The following ASCC3 variants were observed in gnomAD, a reference collection of about 807,000 sequenced individuals.
ASCC3 encodes the protein ASC-1 complex subunit P200.
ASCC3 carries 158 observed loss-of-function variants against 256.3 expected under a neutral mutation model. That is an observed-to-expected ratio of 0.62 (90% confidence interval 0.54 to 0.70). The LOEUF (loss-of-function observed/expected upper bound fraction) is 0.70, where lower values mean the gene tolerates loss of function less well. Ranked by LOEUF, ASCC3 falls within the 30% of genes least tolerant of loss-of-function variation. The probability of loss-of-function intolerance (pLI) is 0.00; values close to 1 mark genes in which losing one functional copy is unlikely to be tolerated. For synonymous variants in ASCC3, 948 were observed against 883.4 expected (o/e 1.07, Z -1.30); for missense variants, 2,259 against 2,626.0 (o/e 0.86, Z 3.05).
In ASCC3 at chr6:100,734,630, G is replaced by A. The variant is rs191127425; in HGVS notation, c.1738-8927C>T. ...AGCACAAAGCACATACTAAGCTTAT[G>A]TAAGTGTCTGCTATTATTATTGCTG... is the stretch of plus-strand genomic sequence containing the variant. On this transcript the variant is annotated intron_variant, in intron 10 of 41. Transcript: ENST00000369162. 2.1e-3 allele frequency among the ~76,000 whole-genome samples: 322 copies of A among 152,272 alleles called. 4 individuals carry two copies. Among genetic ancestry groups the A allele is most frequent in the African/African-American group, 7.0e-3 (289 of 41,538 alleles).
chr6:100,805,912 A>T (rs4839792), intron 4 of ASCC3, 32 bp from the exon 5 acceptor site: 834,259 of 1,599,358 alleles, frequency 0.52, 222,235 homozygotes, highest in South Asian at 0.73. Flanking sequence ...AACAAACATC[A>T]GTTATCTCAA....
chr6:100,526,434 C>T (rs146798542), intron 37 of ASCC3, among the ~76,000 whole-genome samples: 1 of 152,210 alleles, frequency 6.6e-6, no homozygotes, highest in African/African-American at 2.4e-5. Context: ...AACAAACCAC[C>T]ACCAAATTGT....
intron 37 of ASCC3, among the ~76,000 whole-genome samples, chr6:100,524,893 T>C (rs1180836412): frequency 2.0e-5 from 3 of 151,720 alleles, no homozygotes; most frequent in African/African-American, 4.8e-5. Flanking sequence ...ACAATAAACA[T>C]ACGAAAATAA....
intron 23 of ASCC3, 53 bp from the exon 24 acceptor site, chr6:100,642,802 C>T: frequency 2.1e-6 from 3 of 1,445,830 alleles, no homozygotes; most frequent in South Asian, 2.3e-5. Flanking sequence ...AGCATAAAGG[C>T]CTTATTAGTC....
chr6:100,584,794 C>A (rs1169347279), intron 36 of ASCC3, among the ~76,000 whole-genome samples: 2 of 152,008 alleles, frequency 1.3e-5, no homozygotes, highest in Non-Finnish European at 2.9e-5. Flanking sequence ...GACAAAATCT[C>A]TCAGCATTTG....
intron 30 of ASCC3, among the ~76,000 whole-genome samples, chr6:100,608,887 C>G (rs1164004309): frequency 6.9e-6 from 1 of 144,544 alleles, no homozygotes; most frequent in Non-Finnish European, 1.5e-5. Context: ...CCTCAGCCTC[C>G]CGAGTAGCTG....
chr6:100,821,351 A>G (rs1231931984), intron 4 of ASCC3, among the ~76,000 whole-genome samples: 2 of 152,172 alleles, frequency 1.3e-5, no homozygotes, highest in Non-Finnish European at 2.9e-5. Context: ...ATATGGCCCA[A>G]TAATTCCCTC....
At chr6:100,688,582 C>T (rs977209329) in intron 13 of ASCC3, among the ~76,000 whole-genome samples, 11 of 152,130 alleles carry the variant, frequency 7.2e-5, no homozygotes, top group African/African-American at 2.7e-4. Context: ...TGCTGTGATG[C>T]CTTATCCTTT....
At chr6:100,573,096 T>C (rs1283233310) in intron 36 of ASCC3, among the ~76,000 whole-genome samples, 1 of 152,094 alleles carries the variant, frequency 6.6e-6, no homozygotes. Context: ...TTATAGTGGG[T>C]TGGATTGAAT....
chr6:100,736,541 AG>A, intron 10 of ASCC3, among the ~76,000 whole-genome samples: 1 of 152,202 alleles, frequency 6.6e-6, no homozygotes, highest in South Asian at 2.1e-4. Context: ...GTCACATAAT[AG>A]GATTTGTGAC....
Position 100,735,326 on chromosome 6 carries a change from G to A in ASCC3, c.1738-9623C>T, listed in dbSNP as rs750736498. Among the ~76,000 whole-genome samples, 55 of 152,244 alleles carry A rather than the reference G, an allele frequency of 3.6e-4. 1 individual carries two copies. Among genetic ancestry groups the A allele is most frequent in the Admixed American group, 2.0e-3 (30 of 15,294 alleles). ...TTTACAACACTATTTGCAAGGTTGA[G>A]AGCTGAAGTTACACTGTAGGTTTCC... On this transcript the variant is annotated intron_variant, in intron 10 of 41. Coordinates refer to ENST00000369162, the MANE Select transcript of ASCC3 (RefSeq NM_006828.4).
chr6:100,828,379 T>C (rs1771435919), intron 4 of ASCC3, among the ~76,000 whole-genome samples: 2 of 152,154 alleles, frequency 1.3e-5, no homozygotes, highest in African/African-American at 4.8e-5. Context: ...GGTGGGGAGA[T>C]ACATTCCAAG....
chr6:100,617,529 G>A (rs550580947), intron 30 of ASCC3, among the ~76,000 whole-genome samples: 1 of 152,266 alleles, frequency 6.6e-6, no homozygotes, highest in South Asian at 2.1e-4. Context: ...TCTAGAAGTT[G>A]TATATGCTAT....
At chr6:100,744,321 A>G (rs1469917063) in intron 10 of ASCC3, among the ~76,000 whole-genome samples, 2 of 152,200 alleles carry the variant, frequency 1.3e-5, no homozygotes, top group African/African-American at 4.8e-5. Context: ...TGATTATTAT[A>G]GGTAGGTTAT....
At chr6:100,712,898 C>T (rs1778918866) in intron 13 of ASCC3, among the ~76,000 whole-genome samples, 1 of 151,640 alleles carries the variant, frequency 6.6e-6, no homozygotes. Context: ...GCTGGGACTA[C>T]AGACGCCCAC....
At chr6:100,675,903 A>G (rs1411301543) in intron 14 of ASCC3, among the ~76,000 whole-genome samples, 1 of 152,206 alleles carries the variant, frequency 6.6e-6, no homozygotes, top group Admixed American at 6.5e-5. Context: ...ATCTCAAGTA[A>G]AACAGAATCT....
chr6:100,767,378 G>A, intron 8 of ASCC3, 33 bp from the exon 9 acceptor site: 1 of 1,585,540 alleles, frequency 6.3e-7, no homozygotes, highest in Non-Finnish European at 8.7e-7. Flanking sequence ...ATTATAAATA[G>A]TAACAATGTG....
intron 4 of ASCC3, among the ~76,000 whole-genome samples, chr6:100,819,230 G>A (rs1164327986): frequency 2.0e-5 from 3 of 151,920 alleles, no homozygotes; most frequent in Non-Finnish European, 4.4e-5. Flanking sequence ...AGAGTTGATG[G>A]GTGCAGCAAA....
chr6:100,723,849 T>G, intron 11 of ASCC3, among the ~76,000 whole-genome samples: 1 of 123,780 alleles, frequency 8.1e-6, no homozygotes, highest in Non-Finnish European at 1.6e-5. Flanking sequence ...TGGCCAGAAG[T>G]TATTAGGGAA....
Sources: allele counts gnomAD v4.1 joint callset (sites outside exome capture counted in the v4.1 genomes callset), GRCh38; gene constraint gnomAD v4.1.1; transcripts MANE v1.5; gene names NCBI Gene and HGNC (gene_info 2026-07-23, HGNC 2026-07-21).